Variants in PDE11A observed in about 807,000 individuals in gnomAD.
The protein encoded by PDE11A is dual 3',5'-cyclic-AMP and -GMP phosphodiesterase 11A.
In PDE11A, 100 loss-of-function variants were observed where a neutral mutation model predicts 100.5. That is an observed-to-expected ratio of 1.00 (90% CI 0.85 to 1.18). PDE11A has a LOEUF of 1.18. Ranked by LOEUF, PDE11A falls within the 50% of genes most tolerant of loss-of-function variation. PDE11A has a pLI of 0.00. For missense variants in PDE11A, 1,141 were observed against 1,152.6 expected, an observed-to-expected ratio of 0.99 and a Z score of 0.15; for synonymous variants, 381 against 420.8, an observed-to-expected ratio of 0.91 and a Z score of 1.16.
At chr2:177,783,080 C>T (rs2082476238) in intron 9 of PDE11A, among the ~76,000 whole-genome samples, 1 of 152,166 alleles carries the variant, frequency 6.6e-6, no homozygotes, top group Admixed American at 6.5e-5. Flanking sequence ...GGCTTCTCTC[C>T]AATGTAACTT....
At chr2:178,006,665 C>A (rs991870656) in intron 2 of PDE11A, among the ~76,000 whole-genome samples, 2 of 151,230 alleles carry the variant, frequency 1.3e-5, no homozygotes, top group Non-Finnish European at 2.9e-5. Context: ...CCTGAAAGAA[C>A]AAAATTATTG....
intron 19 of PDE11A, among the ~76,000 whole-genome samples, chr2:177,657,938 C>T (rs2080414244): frequency 1.3e-5 from 2 of 152,146 alleles, no homozygotes; most frequent in Admixed American, 1.3e-4. Context: ...CCAAGAGAAC[C>T]AATCAGCTAG....
intron 2 of PDE11A, among the ~76,000 whole-genome samples, chr2:177,922,151 A>G (rs1360120816): frequency 1.3e-5 from 2 of 152,064 alleles, no homozygotes; most frequent in Non-Finnish European, 2.9e-5. Flanking sequence ...AAAAAATCTT[A>G]TCTACAACAC....
chr2:177,877,448 A>T (rs1209315270), intron 4 of PDE11A, among the ~76,000 whole-genome samples: 2 of 152,166 alleles, frequency 1.3e-5, no homozygotes, highest in Non-Finnish European at 2.9e-5. Context: ...TACAGGCACG[A>T]GCCACCGCAT....
chr2:178,069,175 G>A (rs370549090), intron 1 of PDE11A, among the ~76,000 whole-genome samples: 4 of 152,190 alleles, frequency 2.6e-5, no homozygotes, highest in South Asian at 4.2e-4. Flanking sequence ...TATTTTAGGG[G>A]CTTTGACACA....
intron 7 of PDE11A, among the ~76,000 whole-genome samples, chr2:177,818,695 A>ACAT (rs2083084563): frequency 6.6e-6 from 1 of 152,130 alleles, no homozygotes; most frequent in African/African-American, 2.4e-5. Flanking sequence ...ACCAGGGGGT[A>ACAT]CATATAGTTC....
intron 5 of PDE11A, among the ~76,000 whole-genome samples, chr2:177,854,043 T>A (rs577828732): frequency 2.0e-5 from 3 of 151,590 alleles, no homozygotes; most frequent in African/African-American, 7.3e-5. Context: ...ATGAGAGACC[T>A]ACTAAAGCAA....
chr2:177,750,012 A>G (rs528449213), intron 10 of PDE11A, among the ~76,000 whole-genome samples: 1 of 152,338 alleles, frequency 6.6e-6, no homozygotes, highest in Non-Finnish European at 1.5e-5. Flanking sequence ...AGCTGCACAT[A>G]AGAAACCTTG....
At chr2:178,009,298 T>C (rs1188100569) in intron 2 of PDE11A, among the ~76,000 whole-genome samples, 1 of 152,096 alleles carries the variant, frequency 6.6e-6, no homozygotes, top group Non-Finnish European at 1.5e-5. Flanking sequence ...TGCTGAAAAA[T>C]AGGAATATTT....
At chr2:177,831,634 G>T (rs2083310013) in intron 6 of PDE11A, among the ~76,000 whole-genome samples, 1 of 152,174 alleles carries the variant, frequency 6.6e-6, no homozygotes, top group Non-Finnish European at 1.5e-5. Flanking sequence ...TCAATCTGAA[G>T]AATTCACAAT....
chr2:178,037,692 T>C (rs1219361364), intron 1 of PDE11A, among the ~76,000 whole-genome samples: 1 of 152,058 alleles, frequency 6.6e-6, no homozygotes, highest in Admixed American at 6.5e-5. Flanking sequence ...TATGCAGCCA[T>C]AAAAAAGAAT....
At chr2:178,049,812 C>T (rs777944837) in intron 1 of PDE11A, among the ~76,000 whole-genome samples, 5 of 152,058 alleles carry the variant, frequency 3.3e-5, no homozygotes, top group South Asian at 2.1e-4. Flanking sequence ...GAGTGGTGCC[C>T]GCCATTGCTG....
intron 5 of PDE11A, among the ~76,000 whole-genome samples, chr2:177,853,714 T>TGTG (rs1558974124): frequency 1.2e-4 from 2 of 16,308 alleles, no homozygotes; most frequent in African/African-American, 3.4e-4. Flanking sequence ...GTGTGTGTGT[T>TGTG]TGTGTGTGTG....
At chr2:177,788,931 T>A (rs1411100832) in intron 9 of PDE11A, among the ~76,000 whole-genome samples, 1 of 152,098 alleles carries the variant, frequency 6.6e-6, no homozygotes, top group Non-Finnish European at 1.5e-5. Context: ...CAGGACCAGA[T>A]GGATTCACAG....
chr2:177,861,861 C>T (rs2083950871), intron 5 of PDE11A, among the ~76,000 whole-genome samples: 1 of 151,682 alleles, frequency 6.6e-6, no homozygotes, highest in Admixed American at 6.6e-5. Flanking sequence ...ACTGGATGTC[C>T]CTGTACAAAT....
intron 6 of PDE11A, among the ~76,000 whole-genome samples, chr2:177,839,180 G>T (rs909932139): frequency 2.0e-5 from 3 of 152,170 alleles, no homozygotes; most frequent in African/African-American, 4.8e-5. Flanking sequence ...CCATCACCAT[G>T]TCCTGGCCAC....
At chr2:178,026,769 A>T (rs576584169) in intron 1 of PDE11A, among the ~76,000 whole-genome samples, 1 of 152,290 alleles carries the variant, frequency 6.6e-6, no homozygotes, top group East Asian at 1.9e-4. Context: ...TGTCTATAGA[A>T]ATAAGTGTAT....
At chr2:177,903,334 T>C (rs928323174) in intron 3 of PDE11A, among the ~76,000 whole-genome samples, 6 of 152,330 alleles carry the variant, frequency 3.9e-5, no homozygotes, top group African/African-American at 1.4e-4. Context: ...CAACTCAGCC[T>C]TCCTCAACCC....
chr2:177,729,377 G>A (rs947558148), intron 10 of PDE11A, among the ~76,000 whole-genome samples: 2 of 152,178 alleles, frequency 1.3e-5, no homozygotes, highest in African/African-American at 4.8e-5. Flanking sequence ...TAAGTCTGAT[G>A]TGTAGTTTTC....
Sources: allele counts gnomAD v4.1 joint callset (sites outside exome capture counted in the v4.1 genomes callset), GRCh38; gene constraint gnomAD v4.1.1; transcripts MANE v1.5; gene names NCBI Gene and HGNC (gene_info 2026-07-23, HGNC 2026-07-21).